The following NBEA variants were observed in gnomAD, a reference collection of about 807,000 sequenced individuals.
NBEA encodes the protein neurobeachin.
In NBEA, 44 loss-of-function variants were observed where a neutral mutation model predicts 343.4. The observed-to-expected ratio is 0.13, with a 90% CI of 0.10 to 0.16. The LOEUF is 0.16. Among genes scored for constraint, NBEA ranks in the 10% least tolerant of loss-of-function variants. The probability of loss-of-function intolerance (pLI) is 1.00; values close to 1 mark genes in which losing one functional copy is unlikely to be tolerated. For missense variants in NBEA, 2,555 were observed against 3,631.3 expected (o/e 0.70, Z 7.62); for synonymous variants, 1,175 against 1,238.7 (o/e 0.95, Z 1.08).
intron 24 of NBEA, among the ~76,000 whole-genome samples, chr13:35,165,637 A>G (rs1224949770): frequency 6.6e-6 from 1 of 151,204 alleles, no homozygotes; most frequent in African/African-American, 2.4e-5. Flanking sequence ...GATTTTTAAA[A>G]TGCTTTCTAA....
intron 33 of NBEA, among the ~76,000 whole-genome samples, chr13:35,229,928 C>G (rs1308024606): frequency 6.6e-6 from 1 of 152,110 alleles, no homozygotes; most frequent in East Asian, 1.9e-4. Flanking sequence ...TGAAGTTTTT[C>G]CATTTAGAAT....
intron 38 of NBEA, among the ~76,000 whole-genome samples, chr13:35,430,556 T>C (rs529094854): frequency 1.3e-4 from 20 of 152,214 alleles, no homozygotes; most frequent in Non-Finnish European, 1.6e-4. Context: ...AGTGTTATCT[T>C]CTAGAATTTG....
At chr13:35,536,642 TA>T (rs1490477979) in intron 41 of NBEA, among the ~76,000 whole-genome samples, 24 of 123,282 alleles carry the variant, frequency 1.9e-4, no homozygotes, top group African/African-American at 5.4e-4. Flanking sequence ...AAAAAATAGA[TA>T]GATGATAGAT....
chr13:35,462,404 A>G (rs1329748733), intron 40 of NBEA, among the ~76,000 whole-genome samples: 1 of 152,130 alleles, frequency 6.6e-6, no homozygotes, highest in Non-Finnish European at 1.5e-5. Context: ...ACATTTAGAG[A>G]GTTGTTGCAG....
chr13:35,053,921 A>AT (rs2063153274), intron 6 of NBEA, among the ~76,000 whole-genome samples: 2 of 152,108 alleles, frequency 1.3e-5, no homozygotes. Context: ...GATACTAAGT[A>AT]ATTTGCCAAA....
At chr13:35,214,871 C>T (rs968138090) in intron 33 of NBEA, among the ~76,000 whole-genome samples, 1 of 151,596 alleles carries the variant, frequency 6.6e-6, no homozygotes, top group Admixed American at 6.6e-5. Flanking sequence ...GTTTTTGTGT[C>T]TGTGGTGAGG....
At chr13:35,051,836 A>G (rs994504598) in intron 6 of NBEA, among the ~76,000 whole-genome samples, 1 of 152,042 alleles carries the variant, frequency 6.6e-6, no homozygotes, top group Non-Finnish European at 1.5e-5. Flanking sequence ...TTTAACAAAT[A>G]TTCTAGGTAA....
At chr13:35,063,519 A>C (rs2152570162) in intron 8 of NBEA, among the ~76,000 whole-genome samples, 1 of 152,150 alleles carries the variant, frequency 6.6e-6, no homozygotes, top group South Asian at 2.1e-4. Flanking sequence ...TTTTCCTGTG[A>C]CTGTTACAGA....
In NBEA at chr13:35,587,328, A is replaced by C. The variant is rs147101753; in HGVS notation, c.7176+3290A>C. On this transcript the variant is annotated intron_variant, in intron 46 of 58. Transcript: ENST00000379939. Reference sequence around the variant, plus strand: ...ATTTGAGTTCATCAGGTTAGTCCACATGGAACTCTCAAGGGGACCACCAAA... The same window carrying C: ...ATTTGAGTTCATCAGGTTAGTCCACCTGGAACTCTCAAGGGGACCACCAAA... Among the ~76,000 whole-genome samples the C allele has an allele frequency of 5.9e-5, 9 of 152,300 alleles. No individual in the cohort carries two copies. In the South Asian group the frequency reaches 1.0e-3, roughly 18 times the overall value.
chr13:35,249,871 T>C (rs2031745847), intron 34 of NBEA, among the ~76,000 whole-genome samples: 1 of 152,160 alleles, frequency 6.6e-6, no homozygotes, highest in Non-Finnish European at 1.5e-5. Flanking sequence ...ATGTAGTATA[T>C]ACATACAATG....
intron 51 of NBEA, among the ~76,000 whole-genome samples, chr13:35,649,378 C>T (rs1248309215): frequency 6.6e-6 from 1 of 152,184 alleles, no homozygotes; most frequent in African/African-American, 2.4e-5. Context: ...TTTCACATTG[C>T]ATTGTGGTGA....
chr13:35,387,206 G>A (rs1015346632), intron 38 of NBEA, among the ~76,000 whole-genome samples: 1 of 152,066 alleles, frequency 6.6e-6, no homozygotes, highest in Non-Finnish European at 1.5e-5. Context: ...TAGAAGGATT[G>A]TTTATCATGA....
chr13:35,633,099 T>C (rs1410231214), intron 49 of NBEA, among the ~76,000 whole-genome samples: 1 of 151,132 alleles, frequency 6.6e-6, no homozygotes, highest in African/African-American at 2.4e-5. Flanking sequence ...TCTCATTAAA[T>C]AATTTTTTGT....
chr13:35,099,617 A>G (rs2065533845), intron 11 of NBEA, among the ~76,000 whole-genome samples: 1 of 152,026 alleles, frequency 6.6e-6, no homozygotes, highest in African/African-American at 2.4e-5. Context: ...CAAAATTTTT[A>G]TTTTGTGGTA....
At chr13:35,473,291 G>A (rs1307307145) in intron 41 of NBEA, among the ~76,000 whole-genome samples, 1 of 151,994 alleles carries the variant, frequency 6.6e-6, no homozygotes, top group Non-Finnish European at 1.5e-5. Context: ...TCTATTCTGG[G>A]GTTAAGAATT....
chr13:35,472,887 A>T (rs138049390), intron 41 of NBEA, among the ~76,000 whole-genome samples: 31 of 152,298 alleles, frequency 2.0e-4, no homozygotes, highest in African/African-American at 7.2e-4. Flanking sequence ...TATTAAGATC[A>T]CTTTTAATTT....
chr13:35,559,694 T>A (rs1248876941), intron 44 of NBEA, among the ~76,000 whole-genome samples: 1 of 152,054 alleles, frequency 6.6e-6, no homozygotes, highest in East Asian at 1.9e-4. Flanking sequence ...GGCAGGTGGA[T>A]CACGAGGTCA....
rs749462208 is a variant in NBEA at position 35,672,224 on chromosome 13, C to T, written c.*1233C>T. On this transcript the variant is annotated 3_prime_UTR_variant, in exon 59 of 59. Transcript: ENST00000379939. ...TTCTTTGTATATTTGGTGACTGTAT[C>T]GTCATAGATGTACATATTGTGTCGG... The T allele has an allele frequency of 1.3e-5, 2 of 152,628 alleles. No individual in the cohort carries two copies. The highest frequency in any genetic ancestry group is 2.4e-5 in the African/African-American group (1 of 41,532). 9.5% of individuals were successfully genotyped at this position (152,628 alleles called of 1,614,324 possible).
intron 10 of NBEA, among the ~76,000 whole-genome samples, chr13:35,078,781 T>C (rs975102886): frequency 2.0e-5 from 3 of 152,186 alleles, no homozygotes; most frequent in Non-Finnish European, 4.4e-5. Context: ...TATAAAACTT[T>C]GAGAGGCCCA....
Sources: allele counts gnomAD v4.1 joint callset (sites outside exome capture counted in the v4.1 genomes callset), GRCh38; gene constraint gnomAD v4.1.1; transcripts MANE v1.5; gene names NCBI Gene and HGNC (gene_info 2026-07-23, HGNC 2026-07-21).